Variants in EBF1 observed in about 807,000 individuals in gnomAD.
EBF1 encodes transcription factor COE1.
EBF1 carries 10 observed loss-of-function variants against 68.4 expected under a neutral mutation model. That is an observed-to-expected ratio of 0.15 (90% CI 0.09 to 0.25). EBF1 has a LOEUF of 0.25. Ranked by LOEUF, EBF1 falls within the 10% of genes least tolerant of loss-of-function variation. EBF1 has a pLI of 1.00. For missense variants in EBF1, 509 were observed against 794.4 expected (o/e 0.64, Z 4.32); for synonymous variants, 298 against 299.8 (o/e 0.99, Z 0.06).
At chr5:158,706,424 A>G (rs1436553313) in intron 15 of EBF1, among the ~76,000 whole-genome samples, 2 of 152,214 alleles carry the variant, frequency 1.3e-5, no homozygotes, top group African/African-American at 2.4e-5. Context: ...TGTACTATTT[A>G]TTAGCCATGT....
At chr5:159,041,161 C>G (rs372691867) in intron 6 of EBF1, among the ~76,000 whole-genome samples, 1 of 152,156 alleles carries the variant, frequency 6.6e-6, no homozygotes, top group African/African-American at 2.4e-5. Flanking sequence ...TGACCAATCC[C>G]CAATGCCTTA....
At chr5:158,837,350 T>C (rs1350265316) in intron 7 of EBF1, among the ~76,000 whole-genome samples, 1 of 152,258 alleles carries the variant, frequency 6.6e-6, no homozygotes, top group African/African-American at 2.4e-5. Flanking sequence ...GAACTCATGA[T>C]CCATCTTCAG....
intron 6 of EBF1, among the ~76,000 whole-genome samples, chr5:159,007,825 A>G (rs893251162): frequency 2.0e-5 from 3 of 152,176 alleles, no homozygotes; most frequent in South Asian, 2.1e-4. Flanking sequence ...TTAGAAACAC[A>G]TAAGTTCTAT....
chr5:159,057,192 C>T (rs545219442), intron 6 of EBF1, among the ~76,000 whole-genome samples: 2 of 150,812 alleles, frequency 1.3e-5, no homozygotes, highest in African/African-American at 2.4e-5. Flanking sequence ...CTGCAACCTC[C>T]GCCTCCTGGG....
rs570003289 is a variant in EBF1, at chr5:158,964,435, T to C, written c.554+108961A>G. On this transcript the variant is annotated intron_variant, in intron 6 of 15. Transcript: ENST00000313708. ...AGGGTTAAGACTGGAGGCCAGGAGA[T>C]AGCTAAGAAGTTACTCTAGTAATCT... 3.9e-5 allele frequency among the ~76,000 whole-genome samples: 6 copies of C among 152,186 alleles called. No homozygotes were observed. The East Asian group carries it at 7.7e-4, about 20-fold the overall frequency.
intron 6 of EBF1, among the ~76,000 whole-genome samples, chr5:159,003,177 C>T (rs1445031800): frequency 6.6e-6 from 1 of 152,144 alleles, no homozygotes; most frequent in Non-Finnish European, 1.5e-5. Flanking sequence ...TCTTTGCTAA[C>T]TCTGTTAGTC....
intron 8 of EBF1, among the ~76,000 whole-genome samples, chr5:158,807,234 C>T (rs986271447): frequency 2.6e-5 from 4 of 152,070 alleles, no homozygotes; most frequent in East Asian, 3.9e-4. Flanking sequence ...ATCTCCAATC[C>T]CTCCAATGAG....
intron 6 of EBF1, among the ~76,000 whole-genome samples, chr5:159,067,215 T>G (rs972540705): frequency 2.6e-5 from 4 of 152,202 alleles, no homozygotes; most frequent in African/African-American, 7.2e-5. Context: ...TACTCATATA[T>G]TCTCATTACA....
At chr5:158,867,960 T>C (rs553465896) in intron 6 of EBF1, among the ~76,000 whole-genome samples, 139 of 152,300 alleles carry the variant, frequency 9.1e-4, no homozygotes, top group Admixed American at 3.5e-3. Context: ...AGCATTACCA[T>C]GTGACTATAC....
intron 6 of EBF1, among the ~76,000 whole-genome samples, chr5:158,875,740 T>C (rs1361624886): frequency 6.6e-6 from 1 of 152,258 alleles, no homozygotes; most frequent in Non-Finnish European, 1.5e-5. Context: ...TAAGAGTTAA[T>C]ATTCATTTGA....
chr5:158,721,591 A>G (rs1001456955), intron 11 of EBF1, among the ~76,000 whole-genome samples: 3 of 152,174 alleles, frequency 2.0e-5, no homozygotes, highest in African/African-American at 7.2e-5. Flanking sequence ...TTCGCTGCCT[A>G]TTAGACCAGG....
chr5:158,958,735 C>T (rs1401278131), intron 6 of EBF1, among the ~76,000 whole-genome samples: 4 of 152,204 alleles, frequency 2.6e-5, no homozygotes, highest in Middle Eastern at 3.4e-3. Context: ...TGGAATTCCC[C>T]GGAAGAGGCT....
At position 158,746,083 on chromosome 5, in the gene EBF1, G is replaced by A. The variant is rs143293432; in HGVS notation, c.1037-14926C>T. On this transcript the variant is annotated intron_variant, in intron 10 of 15. Transcript: ENST00000313708. ...CTGCTTTGGGTTATTTCCAGCTTGG[G>A]GGAAGACTCGTGGTTAATATTTCTG... 1.1e-4 allele frequency among the ~76,000 whole-genome samples: 16 copies of A among 152,266 alleles called. No individual in the cohort carries two copies. In the East Asian group the frequency reaches 3.1e-3, roughly 29 times the overall value.
At chr5:158,742,894 A>T (rs367987352) in intron 10 of EBF1, among the ~76,000 whole-genome samples, 17 of 152,246 alleles carry the variant, frequency 1.1e-4, no homozygotes, top group Admixed American at 3.3e-4. Flanking sequence ...TCATTTCCAG[A>T]CTTGGGGTGT....
At chr5:158,876,516 C>T (rs1205577854) in intron 6 of EBF1, among the ~76,000 whole-genome samples, 1 of 152,172 alleles carries the variant, frequency 6.6e-6, no homozygotes, top group Non-Finnish European at 1.5e-5. Flanking sequence ...GAGCCTGCTG[C>T]TTTGTGAGAC....
intron 6 of EBF1, among the ~76,000 whole-genome samples, chr5:158,849,061 G>T (rs888090506): frequency 6.6e-6 from 1 of 152,122 alleles, no homozygotes; most frequent in Non-Finnish European, 1.5e-5. Flanking sequence ...CCATGATTTT[G>T]GTTCAAGTTT....
At chr5:159,017,446 C>A (rs2127701206) in intron 6 of EBF1, among the ~76,000 whole-genome samples, 2 of 152,330 alleles carry the variant, frequency 1.3e-5, no homozygotes, top group Non-Finnish European at 2.9e-5. Context: ...CTCAGCTCTT[C>A]CCATTAGAAG....
chr5:159,064,592 G>T (rs531873314), intron 6 of EBF1, among the ~76,000 whole-genome samples: 1 of 152,258 alleles, frequency 6.6e-6, no homozygotes, highest in East Asian at 1.9e-4. Flanking sequence ...GTGATCAGGG[G>T]TTTTGCTTGC....
chr5:158,886,661 G>GA (rs770112461), intron 6 of EBF1, among the ~76,000 whole-genome samples: 11 of 152,194 alleles, frequency 7.2e-5, no homozygotes, highest in Admixed American at 1.3e-4. Flanking sequence ...GCCAGTTTGA[G>GA]AAAATGCATA....
Sources: gnomAD v4.1 joint callset for allele counts (sites outside exome capture counted in the v4.1 genomes callset) on GRCh38, gnomAD v4.1.1 for gene constraint, MANE v1.5 for transcripts, NCBI Gene and HGNC (gene_info 2026-07-23, HGNC 2026-07-21) for gene names.